The following PSD3 variants were observed in gnomAD, a reference collection of about 807,000 sequenced individuals.
PSD3 encodes pleckstrin and Sec7 domain containing 3, also known as PH and SEC7 domain-containing protein 3.
PSD3 carries 49 observed loss-of-function variants against 105.5 expected under a neutral mutation model. That is an observed-to-expected ratio of 0.46 (90% CI 0.37 to 0.59). The LOEUF (loss-of-function observed/expected upper bound fraction) is 0.59. Among genes scored for constraint, PSD3 ranks in the 20% least tolerant of loss-of-function variants. The pLI is 0.00. For synonymous variants in PSD3, 557 were observed against 457.8 expected (o/e 1.22, Z -2.77); for missense variants, 1,561 against 1,263.8 (o/e 1.24, Z -3.57).
intron 1 of PSD3, among the ~76,000 whole-genome samples, chr8:19,080,137 C>G (rs1184950250): frequency 6.6e-6 from 1 of 152,172 alleles, no homozygotes; most frequent in Non-Finnish European, 1.5e-5. Context: ...GATTTGCCAG[C>G]CTCAGCCTCC....
At chr8:18,752,554 A>AATTATATATATTATATAT (rs1554489476) in intron 9 of PSD3, among the ~76,000 whole-genome samples, 1 of 19,678 alleles carries the variant, frequency 5.1e-5, no homozygotes, top group Non-Finnish European at 1.3e-4. Context: ...TATTATATAT[A>AATTATATATATTATATAT]ATTATATATA....
At chr8:18,585,494 T>C (rs1001057615) in intron 12 of PSD3, among the ~76,000 whole-genome samples, 2 of 152,044 alleles carry the variant, frequency 1.3e-5, no homozygotes, top group African/African-American at 4.8e-5. Flanking sequence ...ATTTTTGTAT[T>C]TTTTGTAGAG....
chr8:18,956,054 C>G (rs1016166702), intron 1 of PSD3, among the ~76,000 whole-genome samples: 2 of 152,260 alleles, frequency 1.3e-5, no homozygotes, highest in African/African-American at 4.8e-5. Flanking sequence ...AGAAGTGAGC[C>G]ACCATGCCCG....
At chr8:19,052,548 G>A (rs546042501) in intron 1 of PSD3, among the ~76,000 whole-genome samples, 9 of 152,214 alleles carry the variant, frequency 5.9e-5, no homozygotes, top group African/African-American at 1.7e-4. Flanking sequence ...GCTGAGAATT[G>A]GTTTAGTCTG....
At chr8:18,837,377 C>T (rs1168245052) in intron 4 of PSD3, among the ~76,000 whole-genome samples, 4 of 152,154 alleles carry the variant, frequency 2.6e-5, no homozygotes, top group Non-Finnish European at 2.9e-5. Flanking sequence ...TACTCAAATG[C>T]TTCCAAGTAA....
chr8:19,063,860 G>T (rs916399760), intron 1 of PSD3, among the ~76,000 whole-genome samples: 1 of 151,990 alleles, frequency 6.6e-6, no homozygotes, highest in Non-Finnish European at 1.5e-5. Flanking sequence ...AGAAATTCAA[G>T]GCCGGGCACA....
intron 10 of PSD3, among the ~76,000 whole-genome samples, chr8:18,641,950 A>G (rs948038681): frequency 6.6e-6 from 1 of 152,200 alleles, no homozygotes; most frequent in Non-Finnish European, 1.5e-5. Context: ...ATTCTGCTGA[A>G]AATATGAATT....
At chr8:18,716,931 C>G (rs1446425697) in intron 9 of PSD3, among the ~76,000 whole-genome samples, 1 of 152,160 alleles carries the variant, frequency 6.6e-6, no homozygotes, top group African/African-American at 2.4e-5. Context: ...AGAGGAGTAG[C>G]CAAAGGTAGC....
intron 14 of PSD3, among the ~76,000 whole-genome samples, chr8:18,556,756 T>C (rs1167983424): frequency 6.6e-6 from 1 of 152,240 alleles, no homozygotes; most frequent in Non-Finnish European, 1.5e-5. Flanking sequence ...CTGCCAGCTT[T>C]TCCATCCATC....
At chr8:18,569,324 C>T (rs1802000930) in intron 14 of PSD3, among the ~76,000 whole-genome samples, 1 of 136,948 alleles carries the variant, frequency 7.3e-6, no homozygotes. Context: ...GTCCCACCAA[C>T]AGTGTAAAAG....
chr8:18,627,893 G>A (rs1806609031), intron 11 of PSD3, among the ~76,000 whole-genome samples: 1 of 151,554 alleles, frequency 6.6e-6, no homozygotes, highest in Admixed American at 6.6e-5. Context: ...GGTTATCAAA[G>A]AGAAGAACCT....
chr8:18,599,824 T>A (rs1024109937), intron 12 of PSD3, among the ~76,000 whole-genome samples: 6 of 152,148 alleles, frequency 3.9e-5, no homozygotes, highest in South Asian at 2.1e-4. Context: ...CTGGAGCCAA[T>A]CTGTTGTGTG....
chr8:18,652,265 A>G (rs1330285128), intron 10 of PSD3, among the ~76,000 whole-genome samples: 1 of 152,096 alleles, frequency 6.6e-6, no homozygotes, highest in African/African-American at 2.4e-5. Flanking sequence ...ATATATAGGA[A>G]GAATTTTTAC....
At chr8:18,930,845 G>A (rs1821705352) in intron 2 of PSD3, among the ~76,000 whole-genome samples, 1 of 152,150 alleles carries the variant, frequency 6.6e-6, no homozygotes, top group South Asian at 2.1e-4. Context: ...TGGGATTACA[G>A]GCATGAGCCA....
intron 2 of PSD3, among the ~76,000 whole-genome samples, chr8:18,916,363 C>CACACAT (rs1324096839): frequency 1.3e-5 from 1 of 75,996 alleles, no homozygotes; most frequent in African/African-American, 5.6e-5. Flanking sequence ...CACACACACA[C>CACACAT]ACACACACAC....
At chr8:18,537,102 A>G (rs978568357) in intron 15 of PSD3, among the ~76,000 whole-genome samples, 1 of 152,216 alleles carries the variant, frequency 6.6e-6, no homozygotes, top group African/African-American at 2.4e-5. Flanking sequence ...AATGGGAAAA[A>G]GCTGCTAGAC....
chr8:18,783,159 A>T lies in PSD3; in HGVS notation c.2082+16136T>A, dbSNP rs140422052. On this transcript the variant is annotated intron_variant, in intron 8 of 15. Coordinates refer to ENST00000327040, the MANE Select transcript of PSD3 (RefSeq NM_015310.4). ...TTGTAGGAAGTTTTCTGATTACTAA[A>T]CTCTTCACTTGCTAAGGATCTATTC... is the stretch of plus-strand genomic sequence containing the variant. 5.3e-3 allele frequency among the ~76,000 whole-genome samples: 797 copies of T among 151,708 alleles called. 2 individuals are homozygous for T. Among genetic ancestry groups the T allele is most frequent in the Non-Finnish European group, 7.6e-3 (517 of 67,842 alleles).
chr8:18,901,948 T>C (rs536176206), intron 2 of PSD3, among the ~76,000 whole-genome samples: 3 of 152,174 alleles, frequency 2.0e-5, no homozygotes, highest in Non-Finnish European at 4.4e-5. Context: ...TCTTTTTCTG[T>C]TTTTAGAATT....
At chr8:18,950,991 T>C (rs1823202816) in intron 1 of PSD3, among the ~76,000 whole-genome samples, 3 of 152,166 alleles carry the variant, frequency 2.0e-5, no homozygotes, top group Admixed American at 2.0e-4. Context: ...ATCAGATTCT[T>C]AGGAATGGAG....
Sources: gnomAD v4.1 joint callset for allele counts (sites outside exome capture counted in the v4.1 genomes callset) on GRCh38, gnomAD v4.1.1 for gene constraint, MANE v1.5 for transcripts, NCBI Gene and HGNC (gene_info 2026-07-23, HGNC 2026-07-21) for gene names.